TSN: variants seen among roughly 807,000 people sequenced by gnomAD.
TSN encodes translin, also known as component 3 of promoter of RISC.
Under a neutral mutation model 29.4 loss-of-function variants are expected in TSN, and 5 were observed. That is an observed-to-expected ratio of 0.17 (90% confidence interval 0.09 to 0.36). TSN has a LOEUF of 0.36. TSN is among the 10% of genes least tolerant of loss of function. The pLI, the probability that TSN is intolerant of heterozygous loss-of-function variation, is 1.00. For synonymous variants in TSN, 106 were observed against 102.2 expected, an observed-to-expected ratio of 1.04 and a Z score of -0.23; for missense variants, 159 against 272.8, an observed-to-expected ratio of 0.58 and a Z score of 2.94.
At position 121,766,913 on chromosome 2, in the gene TSN, GATTTTAGAACA is replaced by G. The variant is rs1440356680; in HGVS notation, c.*1552_*1562del. Reference sequence around the variant, plus strand: ...TGAGGCATGAGTTACTGTGCATTGGGATTTTAGAACAATTTTCTTGTGACAGCTCTTTTTGT... The same window carrying G: ...TGAGGCATGAGTTACTGTGCATTGGGATTTTCTTGTGACAGCTCTTTTTGT... On this transcript the variant is annotated 3_prime_UTR_variant, in exon 6 of 6. Coordinates refer to ENST00000389682, the MANE Select transcript of TSN (RefSeq NM_004622.3). 2.6e-5 allele frequency: 4 copies of G among 152,140 alleles called. No homozygotes were observed. The highest frequency in any genetic ancestry group is 7.2e-5 in the African/African-American group (3 of 41,434). The allele number at this position is 152,140 out of a possible 1,614,324, so 9.4% of individuals were successfully genotyped here.
chr2:121,765,633 G>A lies in TSN; in HGVS notation c.*266G>A, dbSNP rs2074891890. 1 of 476,612 alleles carries A rather than the reference G, an allele frequency of 2.1e-6. No homozygotes were observed. Among genetic ancestry groups the A allele is most frequent in the South Asian group, 2.6e-5 (1 of 38,674 alleles). 29.5% of individuals were successfully genotyped at this position (476,612 alleles called of 1,614,324 possible). ...GTTCCGTCAGAAAGTGTAAATGTTA[G>A]TTTCTTGGTAAAGTCCTTTTCTTGC... On this transcript the variant is annotated 3_prime_UTR_variant, in exon 6 of 6. Transcript: ENST00000389682.
rs144963125 is a variant in TSN, at chr2:121,767,052, G to C, written c.*1685G>C. On this transcript the variant is annotated 3_prime_UTR_variant, in exon 6 of 6. Coordinates refer to ENST00000389682, the MANE Select transcript of TSN (RefSeq NM_004622.3). Reference sequence around the variant, plus strand: ...GGCTTTTAAATTAGATCATCCCACAGACAATACGTTTGATAATAGTTTTTT... The same window carrying C: ...GGCTTTTAAATTAGATCATCCCACACACAATACGTTTGATAATAGTTTTTT... 1.4e-4 allele frequency: 22 copies of C among 152,312 alleles called. No individual in the cohort carries two copies. In the East Asian group the frequency reaches 4.1e-3, roughly 28 times the overall value. The allele number at this position is 152,312 out of a possible 1,614,324, so 9.4% of individuals were successfully genotyped here.
Position 121,767,085 on chromosome 2 carries a change from C to T in TSN, c.*1718C>T, listed in dbSNP as rs1444806893. The stretch of plus-strand genomic sequence containing the variant: ...GTTTGATAATAGTTTTTTCTTTTAA[C>T]CTCTTTAAGTATTGATTCTGCTTGA... On this transcript the variant is annotated 3_prime_UTR_variant, in exon 6 of 6. Coordinates refer to ENST00000389682, the MANE Select transcript of TSN (RefSeq NM_004622.3). 1 of 152,148 alleles carries T rather than the reference C, an allele frequency of 6.6e-6. No individual in the cohort carries two copies. The highest frequency in any genetic ancestry group is 1.9e-4 in the East Asian group (1 of 5,192). The allele number at this position is 152,148 out of a possible 1,614,324, so 9.4% of individuals were successfully genotyped here.
rs1440642815 is a variant in TSN, at chr2:121,767,060, G to A, written c.*1693G>A. Reference sequence around the variant, plus strand: ...AATTAGATCATCCCACAGACAATACGTTTGATAATAGTTTTTTCTTTTAAC... The same window carrying A: ...AATTAGATCATCCCACAGACAATACATTTGATAATAGTTTTTTCTTTTAAC... On this transcript the variant is annotated 3_prime_UTR_variant, in exon 6 of 6. Transcript: ENST00000389682. 1 of 152,158 alleles carries A rather than the reference G, an allele frequency of 6.6e-6. No homozygotes were observed. The highest frequency in any genetic ancestry group is 1.5e-5 in the Non-Finnish European group (1 of 68,026). The allele number at this position is 152,158 out of a possible 1,614,324, so 9.4% of individuals were successfully genotyped here.
At chr2:121,757,631 G>T in intron 2 of TSN, 1 of 341,276 alleles carries the variant, frequency 2.9e-6, no homozygotes, top group Non-Finnish European at 5.3e-6. Context: ...CAGGGTAAGC[G>T]GGAAAAGGGT....
intron 3 of TSN, among the ~76,000 whole-genome samples, chr2:121,759,744 G>T (rs1284916822): frequency 6.6e-6 from 1 of 152,138 alleles, no homozygotes; most frequent in East Asian, 1.9e-4. Context: ...GTTCTTTTAA[G>T]ACGTATATAT....
intron 5 of TSN, among the ~76,000 whole-genome samples, chr2:121,764,448 A>G (rs1416366484): frequency 1.3e-5 from 2 of 152,084 alleles, no homozygotes; most frequent in Non-Finnish European, 2.9e-5. Context: ...CTATATTAAA[A>G]ACAAACAAAC....
chr2:121,761,133 A>G (rs1351357848), intron 3 of TSN, among the ~76,000 whole-genome samples: 1 of 152,162 alleles, frequency 6.6e-6, no homozygotes, highest in Non-Finnish European at 1.5e-5. Flanking sequence ...TGCTTCTCAA[A>G]GTGCTGGGAT....
chr2:121,762,036 A>G (rs1479631124), intron 4 of TSN, among the ~76,000 whole-genome samples: 1 of 149,332 alleles, frequency 6.7e-6, no homozygotes, highest in African/African-American at 2.5e-5. Flanking sequence ...CTTGTTGCCC[A>G]GGCTGTAGTG....
At chr2:121,761,650 C>A (rs2074829966) in intron 4 of TSN, 126 bp downstream of exon 4, 2 of 716,550 alleles carry the variant, frequency 2.8e-6, no homozygotes, top group Non-Finnish European at 4.8e-6. Flanking sequence ...ATAGTTGTAG[C>A]TTGGTATCTG....
At chr2:121,758,613 T>C (rs1419527325) in intron 2 of TSN, 97 bp from the exon 3 acceptor site, 3 of 903,132 alleles carry the variant, frequency 3.3e-6, no homozygotes. Context: ...TGAGGTTTTT[T>C]TGTTGATTAA....
intron 3 of TSN, 51 bp from the exon 4 acceptor site, chr2:121,761,358 C>T (rs1217097500): frequency 7.3e-7 from 1 of 1,375,040 alleles, no homozygotes; most frequent in Admixed American, 1.7e-5. Flanking sequence ...TTAAACCCAT[C>T]TTTCTGAAGG....
Position 121,755,817 on chromosome 2 carries a change from T to G in TSN, c.38T>G (p.Phe13Cys). 6.2e-7 allele frequency: 1 copy of G among 1,614,096 alleles called. No individual in the cohort carries two copies. Among genetic ancestry groups the G allele is most frequent in the Non-Finnish European group, 8.5e-7 (1 of 1,180,026 alleles). Residue 13 changes from phenylalanine (F) to cysteine (C), a missense_variant, in exon 1 of 6, where the codon TTT becomes TGT. Transcript: ENST00000389682. ...GAGATCTTCGTGGAGCTGCAGGGCT[T>G]TTTGGCTGCCGAGCAGGACATCCGA... ...VSEIFVELQGFLAAEQDIREE... is the reference protein window; with the variant it reads ...VSEIFVELQGCLAAEQDIREE...
rs2074887141 is a variant in TSN at position 121,765,202 on chromosome 2, C to G, written c.522C>G (p.Ile174Met). The G allele has an allele frequency of 6.2e-7, 1 of 1,614,244 alleles. No individual in the cohort carries two copies. The highest frequency in any genetic ancestry group is 1.1e-5 in the South Asian group (1 of 91,088). Residue 174 changes from isoleucine to methionine, a missense_variant, in exon 6 of 6, where the codon ATC becomes ATG. Coordinates refer to ENST00000389682, the MANE Select transcript of TSN (RefSeq NM_004622.3). ...GACCCCTCCACATCTCCACCTTCAT[C>G]AATGAGCTGGATTCCGGTTTTCGCC... Reference protein sequence around the residue: ...YSRPLHISTFINELDSGFRLL... With the variant: ...YSRPLHISTFMNELDSGFRLL...
Position 121,756,693 on chromosome 2 carries a change from T to C in TSN, c.67-547T>C, listed in dbSNP as rs148675735. ...GCCGAGGCGGCCAGATCACCTGAGG[T>C]AAGGAGTTTGAGACCAGCCTGGCCA... On this transcript the variant is annotated intron_variant, in intron 1 of 5. Transcript: ENST00000389682. The C allele has an allele frequency of 1.7e-3, 2,095 of 1,242,706 alleles. 25 individuals are homozygous for C. In the African/African-American group the frequency reaches 0.03, roughly 18 times the overall value. 77.0% of individuals were successfully genotyped at this position (1,242,706 alleles called of 1,614,324 possible).
Position 121,766,576 on chromosome 2 carries a change from T to C in TSN, c.*1209T>C, listed in dbSNP as rs1053390901. On this transcript the variant is annotated 3_prime_UTR_variant, in exon 6 of 6. Transcript: ENST00000389682. ...TAAATGTACAGTTTGGGGCAAGTCA[T>C]GTAAATACTGTTGGTGGTCTTCCCC... The C allele has an allele frequency of 1.3e-5, 2 of 152,244 alleles. No individual in the cohort carries two copies. The highest frequency in any genetic ancestry group is 4.8e-5 in the African/African-American group (2 of 41,454). The allele number at this position is 152,244 out of a possible 1,614,324, so 9.4% of individuals were successfully genotyped here. A position where few individuals can be genotyped will look rare whatever the true frequency, so the allele number is the denominator to read the frequency against.
chr2:121,763,492 C>G (rs756153100), intron 5 of TSN, among the ~76,000 whole-genome samples: 11 of 152,022 alleles, frequency 7.2e-5, no homozygotes, highest in Non-Finnish European at 1.2e-4. Flanking sequence ...CGTCTTAATT[C>G]TTTTCTAAGC....
intron 3 of TSN, among the ~76,000 whole-genome samples, chr2:121,760,399 A>G (rs866590884): frequency 6.6e-6 from 1 of 152,228 alleles, no homozygotes; most frequent in African/African-American, 2.4e-5. Context: ...TAGCTGAAGC[A>G]CAGAGAGAGG....
At chr2:121,757,491 C>A in intron 2 of TSN, 158 bp downstream of exon 2, 1 of 1,381,300 alleles carries the variant, frequency 7.2e-7, no homozygotes. Context: ...TTTTCTTCCA[C>A]TTCCACACAG....
Sources: gnomAD v4.1 joint callset for allele counts (sites outside exome capture counted in the v4.1 genomes callset) on GRCh38, gnomAD v4.1.1 for gene constraint, MANE v1.5 for transcripts, NCBI Gene and HGNC (gene_info 2026-07-23, HGNC 2026-07-21) for gene names.